The following ANKS1B variants were observed in gnomAD, a reference collection of about 807,000 sequenced individuals.
ANKS1B encodes the protein ankyrin repeat and sterile alpha motif domain containing 1B, also known as ankyrin repeat and sterile alpha motif domain-containing protein 1B.
Under a neutral mutation model 148.3 loss-of-function variants are expected in ANKS1B, and 36 were observed. The ratio of observed to expected loss-of-function variants is 0.24; its 90% confidence interval spans 0.19 to 0.32. The LOEUF is 0.32. Ranked by LOEUF, ANKS1B falls within the 10% of genes least tolerant of loss-of-function variation. The pLI, the probability that ANKS1B is intolerant of heterozygous loss-of-function variation, is 1.00. For synonymous variants in ANKS1B, 542 were observed against 560.8 expected (o/e 0.97, Z 0.47); for missense variants, 1,157 against 1,542.6 (o/e 0.75, Z 4.19).
At chr12:99,113,740 G>A (rs1030579005) in intron 15 of ANKS1B, among the ~76,000 whole-genome samples, 1 of 152,142 alleles carries the variant, frequency 6.6e-6, no homozygotes, top group Non-Finnish European at 1.5e-5. Context: ...GAAGGCCCTT[G>A]ACTGAACTTC....
intron 9 of ANKS1B, among the ~76,000 whole-genome samples, chr12:99,643,804 C>G (rs942771485): frequency 6.6e-6 from 1 of 152,192 alleles, no homozygotes; most frequent in African/African-American, 2.4e-5. Flanking sequence ...TTCATCTCAT[C>G]ATAATTCAGA....
chr12:99,750,508 G>A (rs902324317), intron 8 of ANKS1B, among the ~76,000 whole-genome samples: 1 of 152,158 alleles, frequency 6.6e-6, no homozygotes, highest in African/African-American at 2.4e-5. Context: ...AAAAGATATT[G>A]TATAGCCAAT....
At chr12:99,188,867 G>C (rs1010289529) in intron 14 of ANKS1B, among the ~76,000 whole-genome samples, 2 of 152,134 alleles carry the variant, frequency 1.3e-5, no homozygotes, top group Non-Finnish European at 2.9e-5. Context: ...GAAGGAGACA[G>C]AGACACGAAA....
At chr12:99,364,052 A>G (rs1356921276) in intron 12 of ANKS1B, among the ~76,000 whole-genome samples, 1 of 152,122 alleles carries the variant, frequency 6.6e-6, no homozygotes, top group Non-Finnish European at 1.5e-5. Context: ...TCCCACTTAC[A>G]TGTAAATTGA....
At chr12:98,913,638 T>G (rs2099789835) in intron 17 of ANKS1B, among the ~76,000 whole-genome samples, 1 of 152,136 alleles carries the variant, frequency 6.6e-6, no homozygotes. Flanking sequence ...ATTTTTTTTG[T>G]TGTTGTTGAG....
intron 16 of ANKS1B, among the ~76,000 whole-genome samples, chr12:99,081,142 AG>A (rs2049607724): frequency 6.6e-6 from 1 of 152,258 alleles, no homozygotes; most frequent in Non-Finnish European, 1.5e-5. Context: ...GACATATTAA[AG>A]AATAGCTATT....
chr12:99,094,352 G>C (rs938386202), intron 15 of ANKS1B, among the ~76,000 whole-genome samples: 2 of 152,168 alleles, frequency 1.3e-5, no homozygotes, highest in Non-Finnish European at 2.9e-5. Flanking sequence ...AAATTCTGAT[G>C]TTAGTATATA....
chr12:99,476,959 T>G (rs1275468790), intron 10 of ANKS1B, among the ~76,000 whole-genome samples: 1 of 152,118 alleles, frequency 6.6e-6, no homozygotes, highest in African/African-American at 2.4e-5. Context: ...GTTGAGGGCC[T>G]CAGTTTCCCA....
intron 14 of ANKS1B, among the ~76,000 whole-genome samples, chr12:99,238,286 T>C (rs2088441997): frequency 6.6e-6 from 1 of 152,228 alleles, no homozygotes; most frequent in South Asian, 2.1e-4. Context: ...CCACGGATCC[T>C]TGCTCACTGC....
chr12:99,442,374 G>C (rs1163373927), intron 11 of ANKS1B, among the ~76,000 whole-genome samples: 7 of 151,740 alleles, frequency 4.6e-5, no homozygotes, highest in African/African-American at 1.7e-4. Context: ...ACATATTGGG[G>C]CACTATGTCA....
At chr12:99,506,277 A>T (rs1596023334) in intron 9 of ANKS1B, among the ~76,000 whole-genome samples, 1 of 151,894 alleles carries the variant, frequency 6.6e-6, no homozygotes, top group East Asian at 1.9e-4. Context: ...AAATCTCCCT[A>T]AGTATATTCT....
At chr12:98,921,228 C>G (rs2099801009) in intron 17 of ANKS1B, among the ~76,000 whole-genome samples, 1 of 152,004 alleles carries the variant, frequency 6.6e-6, no homozygotes, top group Non-Finnish European at 1.5e-5. Context: ...GAGCAATTAC[C>G]ACAAGTTAGA....
chr12:99,642,901 T>C (rs1427554672), intron 9 of ANKS1B, among the ~76,000 whole-genome samples: 4 of 152,178 alleles, frequency 2.6e-5, no homozygotes, highest in African/African-American at 9.7e-5. Context: ...TCTTCCTCCA[T>C]CTTCAAAGCT....
At position 99,339,770 on chromosome 12, in the gene ANKS1B, C is replaced by T. The variant is rs558225875; in HGVS notation, c.1756+59861G>A. Among the ~76,000 whole-genome samples the T allele has an allele frequency of 6.6e-5, 10 of 152,230 alleles. No individual in the cohort carries two copies. In the East Asian group the frequency reaches 7.7e-4, roughly 12 times the overall value. On this transcript the variant is annotated intron_variant, in intron 12 of 26. Coordinates refer to ENST00000683438, the MANE Select transcript of ANKS1B (RefSeq NM_001352186.2). ...CAGGCGCCCATCCTCCCTACTTCTG[C>T]CTTGCCCCTGACCTTGGCTTTTGAC...
intron 8 of ANKS1B, among the ~76,000 whole-genome samples, chr12:99,750,441 G>A (rs182957472): frequency 1.3e-5 from 2 of 151,982 alleles, no homozygotes; most frequent in Admixed American, 6.6e-5. Flanking sequence ...GGAAAAGCTT[G>A]TATAAATGAG....
At chr12:99,645,427 G>C (rs2098352400) in intron 9 of ANKS1B, among the ~76,000 whole-genome samples, 1 of 152,102 alleles carries the variant, frequency 6.6e-6, no homozygotes, top group South Asian at 2.1e-4. Context: ...TTGGGAGAGA[G>C]GGGGAAAGCT....
At chr12:99,046,013 A>G (rs955625482) in intron 17 of ANKS1B, among the ~76,000 whole-genome samples, 3 of 152,250 alleles carry the variant, frequency 2.0e-5, no homozygotes, top group African/African-American at 7.2e-5. Flanking sequence ...AGCTGAAAAG[A>G]TGAGTAGGAA....
intron 24 of ANKS1B, among the ~76,000 whole-genome samples, chr12:98,778,510 T>C (rs1248587679): frequency 6.6e-6 from 1 of 152,214 alleles, no homozygotes; most frequent in Non-Finnish European, 1.5e-5. Flanking sequence ...CACTGCCCAG[T>C]GGGGGAAATC....
intron 1 of ANKS1B, among the ~76,000 whole-genome samples, chr12:99,847,882 T>C (rs1298925789): frequency 6.6e-6 from 1 of 152,082 alleles, no homozygotes; most frequent in Non-Finnish European, 1.5e-5. Flanking sequence ...ACTTTCCCTT[T>C]GCTTGACCTA....
Sources: allele counts gnomAD v4.1 joint callset (sites outside exome capture counted in the v4.1 genomes callset), GRCh38; gene constraint gnomAD v4.1.1; transcripts MANE v1.5; gene names NCBI Gene and HGNC (gene_info 2026-07-23, HGNC 2026-07-21).